Variants in PCDHGB5 observed in about 807,000 individuals in gnomAD.
PCDHGB5 encodes protocadherin gamma-B5.
Under a neutral mutation model 62.9 loss-of-function variants are expected in PCDHGB5, and 48 were observed. The observed-to-expected ratio is 0.76, with a 90% CI of 0.61 to 0.97. The LOEUF is 0.97. PCDHGB5 is among the 50% of genes least tolerant of loss of function. PCDHGB5 has a pLI of 0.00. For missense variants in PCDHGB5, 1,118 were observed against 1,198.6 expected (o/e 0.93, Z 0.99); for synonymous variants, 474 against 511.2 (o/e 0.93, Z 0.98).
rs755091154 is a variant in PCDHGB5 at position 141,402,943 on chromosome 5, C to T, written c.2397+2419C>T. The stretch of plus-strand genomic sequence containing the variant: ...AGATCCTTTTGAGAAAATTCCAAAG[C>T]GAGGCAGCAATGGCAGCTCCAACCA... On this transcript the variant is annotated intron_variant, in intron 1 of 3. Transcript: ENST00000617380. 1.1e-5 allele frequency: 17 copies of T among 1,590,762 alleles called. No individual in the cohort carries two copies. The African/African-American group carries it at 2.0e-4, about 19-fold the overall frequency.
rs777566456 is a variant in PCDHGB5, at chr5:141,405,216, A to G, written c.2397+4692A>G. On this transcript the variant is annotated intron_variant, in intron 1 of 3. Coordinates refer to ENST00000617380, the MANE Select transcript of PCDHGB5 (RefSeq NM_018925.3). ...CGAGCTTTCCTACAGACCTATTCTCAGGAGTTCTCCCTCACCGCTGACTCA... is the reference window on the plus strand; with the variant it reads ...CGAGCTTTCCTACAGACCTATTCTCGGGAGTTCTCCCTCACCGCTGACTCA... 27 of 1,613,806 alleles carry G rather than the reference A, an allele frequency of 1.7e-5. No individual in the cohort carries two copies. In the Admixed American group the frequency reaches 2.7e-4, roughly 16 times the overall value.
rs758439978 is a variant in PCDHGB5 at position 141,415,219 on chromosome 5, T to C, written c.2397+14695T>C. ...CCAAGTCCTGGCGGACCTCGGCAGC[T>C]TCGAGTCTCCAGCTAACTCTGAAAC... On this transcript the variant is annotated intron_variant, in intron 1 of 3. Coordinates refer to ENST00000617380, the MANE Select transcript of PCDHGB5 (RefSeq NM_018925.3). 42 of 1,613,954 alleles carry C rather than the reference T, an allele frequency of 2.6e-5. No individual in the cohort carries two copies. Among genetic ancestry groups the C allele is most frequent in the South Asian group, 9.9e-5 (9 of 91,088 alleles).
At chr5:141,418,136 G>C (rs1218707482) in intron 1 of PCDHGB5, 15 of 1,613,984 alleles carry the variant, frequency 9.3e-6, no homozygotes, top group Non-Finnish European at 1.1e-5. Flanking sequence ...AATAGACCGT[G>C]AGCAAATATG....
At position 141,486,447 on chromosome 5, in the gene PCDHGB5, T is replaced by A. The variant is rs1452869378; in HGVS notation, c.2398-8360T>A. 6.2e-7 allele frequency: 1 copy of A among 1,614,058 alleles called. No individual in the cohort carries two copies. The highest frequency in any genetic ancestry group is 1.7e-5 in the Admixed American group (1 of 60,012). On this transcript the variant is annotated intron_variant, in intron 1 of 3. Coordinates refer to ENST00000617380, the MANE Select transcript of PCDHGB5 (RefSeq NM_018925.3). This position sits in a 1 kb window ranked among gnomAD's most constrained non-coding sequence, Gnocchi z 5.0. Reference sequence around the variant, plus strand: ...GCCAAATCTAGCTATGACATCATGGTCACTGCTTCTGATGCTGGGAACCCT... The same window carrying A: ...GCCAAATCTAGCTATGACATCATGGACACTGCTTCTGATGCTGGGAACCCT...
intron 1 of PCDHGB5, among the ~76,000 whole-genome samples, chr5:141,401,758 G>A (rs573644467): frequency 6.6e-6 from 1 of 152,234 alleles, no homozygotes; most frequent in East Asian, 1.9e-4. Flanking sequence ...CCCATTACAT[G>A]GTATAAGTCT....
chr5:141,456,968 A>AAAACAAAC (rs202005606), intron 1 of PCDHGB5, among the ~76,000 whole-genome samples: 1 of 152,282 alleles, frequency 6.6e-6, no homozygotes, highest in Admixed American at 6.5e-5. Flanking sequence ...ATCTCAAAAC[A>AAAACAAAC]AAACAAACAA....
intron 1 of PCDHGB5, among the ~76,000 whole-genome samples, chr5:141,457,656 G>T (rs2098926936): frequency 6.6e-6 from 1 of 152,244 alleles, no homozygotes; most frequent in Non-Finnish European, 1.5e-5. Context: ...ATGAAGTGCA[G>T]CAAGAATGGT....
rs1226741326 is a variant in PCDHGB5, at chr5:141,399,991, G to A, written c.1864G>A (p.Val622Met). The A allele has an allele frequency of 6.2e-7, 1 of 1,612,422 alleles. No individual in the cohort carries two copies. Residue 622 changes from valine to methionine, a missense_variant, in exon 1 of 4, where the codon GTG becomes ATG. Val to Met is a conservative substitution (Grantham distance 21). This residue lies in a region of PCDHGB5 where 1,034 missense variants were observed against 1,029.1 expected (regional missense o/e 1.00). Transcript: ENST00000617380. Reference protein sequence around the residue: ...LFSLGLRTGEVRTARALGDRD... With the variant: ...LFSLGLRTGEMRTARALGDRD... ...CAGCCTGGGGCTGCGCACAGGAGAGGTGCGCACAGCGCGTGCCTTGGGCGA... is the reference window on the plus strand; with the variant it reads ...CAGCCTGGGGCTGCGCACAGGAGAGATGCGCACAGCGCGTGCCTTGGGCGA...
rs185280755 is a variant in PCDHGB5 at position 141,476,824 on chromosome 5, C to T, written c.2398-17983C>T. Reference sequence around the variant, plus strand: ...TGCCTATTCACATCAAGGTGCTGGACGCGAATGACAATGCGCCTGTCTTCA... The same window carrying T: ...TGCCTATTCACATCAAGGTGCTGGATGCGAATGACAATGCGCCTGTCTTCA... On this transcript the variant is annotated intron_variant, in intron 1 of 3. Transcript: ENST00000617380. This position sits in a 1 kb window ranked among gnomAD's most constrained non-coding sequence, Gnocchi z 7.6. 24 of 1,613,588 alleles carry T rather than the reference C, an allele frequency of 1.5e-5. No homozygotes were observed. The East Asian group carries it at 4.5e-4, about 30-fold the overall frequency.
At position 141,502,349 on chromosome 5, in the gene PCDHGB5, T is replaced by C. The variant is rs369766657; in HGVS notation, c.2457-3044T>C. 1.3e-3 allele frequency among the ~76,000 whole-genome samples: 200 copies of C among 152,292 alleles called. 3 individuals carry two copies. In the South Asian group the frequency reaches 0.034, roughly 26 times the overall value. On this transcript the variant is annotated intron_variant, in intron 2 of 3. Transcript: ENST00000617380. ...GCTCCCAGTCTTTTTATTTTTTTAA[T>C]GACATGGATATTTTTAAAGAGTCCA...
rs1384951887 is a variant in PCDHGB5, at chr5:141,465,860, T to C, written c.2398-28947T>C. ...AACTGAGGCTGGGCCCAGTGGCTCA[T>C]GCCTGTAATCCCAGCACTTTGGGAG... On this transcript the variant is annotated intron_variant, in intron 1 of 3. Coordinates refer to ENST00000617380, the MANE Select transcript of PCDHGB5 (RefSeq NM_018925.3). Among the ~76,000 whole-genome samples the C allele has an allele frequency of 2.0e-5, 3 of 152,114 alleles. No individual in the cohort carries two copies. The South Asian group carries it at 6.2e-4, about 32-fold the overall frequency.
chr5:141,423,877 C>A, intron 1 of PCDHGB5: 1 of 1,283,890 alleles, frequency 7.8e-7, no homozygotes, highest in Non-Finnish European at 9.9e-7. Flanking sequence ...ATTTTTCAAT[C>A]TTGGCATATT....
At chr5:141,502,134 C>T (rs566073996) in intron 2 of PCDHGB5, among the ~76,000 whole-genome samples, 10 of 152,288 alleles carry the variant, frequency 6.6e-5, no homozygotes, top group African/African-American at 2.2e-4. Flanking sequence ...AGAGCTCAGT[C>T]GGGCCGGAAG....
At chr5:141,409,515 T>G (rs1273041163) in intron 1 of PCDHGB5, 1 of 1,613,844 alleles carries the variant, frequency 6.2e-7, no homozygotes, top group Non-Finnish European at 8.5e-7. Context: ...AGTAGAAGCA[T>G]CACCTTGTAT....
chr5:141,405,333 CTGTT>C (rs1203111813), intron 1 of PCDHGB5: 18 of 1,614,204 alleles, frequency 1.1e-5, no homozygotes, highest in Non-Finnish European at 1.4e-5. Flanking sequence ...TTGTGCGTCT[CTGTT>C]GATTCCAAGT....
chr5:141,399,103 C>CA lies in PCDHGB5; in HGVS notation c.978dup (p.Cys327MetfsTer4), dbSNP rs755732381. The CA allele has an allele frequency of 6.2e-7, 1 of 1,613,604 alleles. No individual in the cohort carries two copies. The highest frequency in any genetic ancestry group is 1.3e-5 in the African/African-American group (1 of 74,908). On this transcript the variant is annotated frameshift_variant, in exon 1 of 4. Coordinates refer to ENST00000617380, the MANE Select transcript of PCDHGB5 (RefSeq NM_018925.3). LOFTEE classifies it high-confidence loss of function. ...GAGGGATGGTGGTGGACTGGTTGCA[C>CA]AATGTACAGTTGAAATTAATATTCA...
At chr5:141,467,537 A>G (rs2154569542) in intron 1 of PCDHGB5, among the ~76,000 whole-genome samples, 1 of 152,192 alleles carries the variant, frequency 6.6e-6, no homozygotes, top group Non-Finnish European at 1.5e-5. Context: ...TGAGATATGG[A>G]TCTGATTATA....
intron 1 of PCDHGB5, among the ~76,000 whole-genome samples, chr5:141,438,792 G>T (rs2098065674): frequency 6.7e-6 from 1 of 149,346 alleles, no homozygotes. Flanking sequence ...CTCTCCAGTA[G>T]CTGGGATTAC....
Position 141,399,320 on chromosome 5 carries a change from A to T in PCDHGB5, c.1193A>T (p.Tyr398Phe), listed in dbSNP as rs775357251. Residue 398 changes from tyrosine to phenylalanine, a missense_variant, in exon 1 of 4, where the codon TAT becomes TTT. This residue lies in a region of PCDHGB5 where 1,034 missense variants were observed against 1,029.1 expected (regional missense o/e 1.00). Coordinates refer to ENST00000617380, the MANE Select transcript of PCDHGB5 (RefSeq NM_018925.3). The part of the protein sequence containing the change: ...FKIISSSKNS[Y>F]KLVTDGTLDR... ...ATTATCTCTTCATCCAAAAATTCGT[A>T]TAAGTTGGTAACAGATGGAACCCTA... 1.2e-6 allele frequency: 2 copies of T among 1,614,010 alleles called. No individual in the cohort carries two copies. The highest frequency in any genetic ancestry group is 1.7e-6 in the Non-Finnish European group (2 of 1,179,900).
Sources: allele counts gnomAD v4.1 joint callset (sites outside exome capture counted in the v4.1 genomes callset), GRCh38; gene constraint gnomAD v4.1.1; regional missense constraint gnomAD v4.1.1; non-coding constraint Gnocchi (gnomAD v3.1); transcripts MANE v1.5; gene names NCBI Gene and HGNC (gene_info 2026-07-23, HGNC 2026-07-21).